CSGALNACT2: variants seen among roughly 807,000 people sequenced by gnomAD.
The protein encoded by CSGALNACT2 is chondroitin sulfate N-acetylgalactosaminyltransferase 2.
In CSGALNACT2, 35 loss-of-function variants were observed where a neutral mutation model predicts 55.3. That is an observed-to-expected ratio of 0.63 (90% CI 0.48 to 0.84). The LOEUF (loss-of-function observed/expected upper bound fraction) is 0.84. Among genes scored for constraint, CSGALNACT2 ranks in the 40% least tolerant of loss-of-function variants. CSGALNACT2 has a pLI of 0.00. For synonymous variants in CSGALNACT2, 196 were observed against 224.9 expected (o/e 0.87, Z 1.15); for missense variants, 544 against 657.5 (o/e 0.83, Z 1.89).
chr10:43,153,840 T>C (rs143835298), intron 1 of CSGALNACT2, among the ~76,000 whole-genome samples: 432 of 152,326 alleles, frequency 2.8e-3, no homozygotes, highest in African/African-American at 9.9e-3. Context: ...GTATAAATGG[T>C]TTTTGAATTT....
intron 5 of CSGALNACT2, among the ~76,000 whole-genome samples, chr10:43,164,638 A>G (rs1453629811): frequency 6.6e-6 from 1 of 152,142 alleles, no homozygotes; most frequent in Non-Finnish European, 1.5e-5. Context: ...CATGAGGTCA[A>G]GAGATTGAGA....
intron 2 of CSGALNACT2, among the ~76,000 whole-genome samples, chr10:43,156,811 C>T (rs946027118): frequency 1.3e-5 from 2 of 152,206 alleles, no homozygotes; most frequent in African/African-American, 4.8e-5. Context: ...GGCGGTAATG[C>T]TTGCCAGGCT....
At chr10:43,165,442 G>A (rs562528684) in intron 5 of CSGALNACT2, among the ~76,000 whole-genome samples, 23 of 152,034 alleles carry the variant, frequency 1.5e-4, no homozygotes, top group Admixed American at 1.5e-3. Context: ...ATTTCGTAGT[G>A]TATGAATGTA....
chr10:43,175,389 ACC>A (rs1839458781), intron 6 of CSGALNACT2, among the ~76,000 whole-genome samples: 1 of 152,104 alleles, frequency 6.6e-6, no homozygotes, highest in Admixed American at 6.6e-5. Context: ...GTTCCCAACA[ACC>A]ACCCTGGTTT....
chr10:43,145,078 T>G (rs960179786), intron 1 of CSGALNACT2, among the ~76,000 whole-genome samples: 1 of 152,156 alleles, frequency 6.6e-6, no homozygotes, highest in Non-Finnish European at 1.5e-5. Flanking sequence ...TTTCTGGTTT[T>G]GGGCTCTACA....
At chr10:43,163,089 T>C (rs1237435339) in intron 4 of CSGALNACT2, 1 of 985,288 alleles carries the variant, frequency 1.0e-6, no homozygotes, top group Non-Finnish European at 1.2e-6. Context: ...GCTTTCTACA[T>C]TCTTACCTCT....
At position 43,163,873 on chromosome 10, in the gene CSGALNACT2, A is replaced by G. The variant is rs760140491; in HGVS notation, c.988A>G (p.Asn330Asp). ...SILESVTSES[N>D]FHNYTLVSLN... is the part of the protein sequence containing the mutation. ...TGTGTGCTTTCCTCATAGTGAGTCT[A>G]ATTTTCACAATTACACCTTGGTCTC... Residue 330 changes from asparagine (N) to aspartate (D), a missense_variant, in exon 5 of 8, where the codon AAT becomes GAT. By Grantham distance (23) the Asn-to-Asp change is conservative (BLOSUM62 1). Coordinates refer to ENST00000374466, the MANE Select transcript of CSGALNACT2 (RefSeq NM_018590.5). The G allele has an allele frequency of 2.5e-6, 4 of 1,612,622 alleles. No individual in the cohort carries two copies. The highest frequency in any genetic ancestry group is 1.7e-5 in the Admixed American group (1 of 59,766).
In CSGALNACT2 at chr10:43,155,725, T is replaced by C. The variant is rs767355897; in HGVS notation, c.576T>C (p.Asn192=). The C allele has an allele frequency of 1.4e-5, 22 of 1,614,078 alleles. No homozygotes were observed. In the South Asian group the frequency reaches 2.1e-4, roughly 15 times the overall value. The change falls in exon 2 of 8, where the codon AAT becomes AAC. Residue 192 remains asparagine, a synonymous_variant. Coordinates refer to ENST00000374466, the MANE Select transcript of CSGALNACT2 (RefSeq NM_018590.5). Reference sequence around the variant, plus strand: ...TTGAAGCGGGCTTGGAGGTCATTAATAATCCTGATGAAGATGATGAACAAG... The same window carrying C: ...TTGAAGCGGGCTTGGAGGTCATTAACAATCCTGATGAAGATGATGAACAAG... The part of the protein sequence containing the change: ...EVIEAGLEVI[N]NPDEDDEQED...
chr10:43,173,148 G>T (rs113712170), intron 6 of CSGALNACT2, among the ~76,000 whole-genome samples: 7,192 of 152,276 alleles, frequency 0.047, 410 homozygotes, highest in African/African-American at 0.14. Context: ...TGTGGCTTGG[G>T]TGACAGTGTA....
Position 43,141,626 on chromosome 10 carries a change from A to T in CSGALNACT2, c.-254+3059A>T, listed in dbSNP as rs1419908830. The stretch of plus-strand genomic sequence containing the variant: ...CCTGGCTGACAGTGAAACTGTCTCA[A>T]AAAAAAAAAAAAAAAAAAAAAAAAA... On this transcript the variant is annotated intron_variant, in intron 1 of 7. Coordinates refer to ENST00000374466, the MANE Select transcript of CSGALNACT2 (RefSeq NM_018590.5). Among the ~76,000 whole-genome samples the T allele has an allele frequency of 4.2e-3, 42 of 10,056 alleles. No homozygotes were observed. The African/African-American group carries it at 0.044, about 11-fold the overall frequency. 6.6% of individuals were successfully genotyped at this position (10,056 alleles called of 152,430 possible). A position where few individuals can be genotyped will look rare whatever the true frequency, so the allele number is the denominator to read the frequency against.
chr10:43,166,880 T>G, intron 5 of CSGALNACT2, 124 bp from the exon 6 acceptor site: 1 of 560,252 alleles, frequency 1.8e-6, no homozygotes, highest in South Asian at 2.5e-5. Context: ...TTCTGTAGCC[T>G]GAATATTAAA....
chr10:43,162,751 T>TAGAGGC, intron 4 of CSGALNACT2: 1 of 940,268 alleles, frequency 1.1e-6, no homozygotes, highest in Non-Finnish European at 1.3e-6. Flanking sequence ...TGTGAAAATG[T>TAGAGGC]AGAGGCTTCT....
At chr10:43,138,765 G>T (rs1247066501) in intron 1 of CSGALNACT2, among the ~76,000 whole-genome samples, 198 bp downstream of exon 1, 4 of 152,164 alleles carry the variant, frequency 2.6e-5, no homozygotes, top group Non-Finnish European at 5.9e-5. Context: ...GGCCAGAGAC[G>T]ATTGGTTCGC....
In CSGALNACT2 at chr10:43,138,492, C is replaced by G. The variant is rs148684525; in HGVS notation, c.-329C>G. On this transcript the variant is annotated 5_prime_UTR_variant, in exon 1 of 8. Coordinates refer to ENST00000374466, the MANE Select transcript of CSGALNACT2 (RefSeq NM_018590.5). The stretch of plus-strand genomic sequence containing the variant: ...CGGGGGTGGGTGGCTGAGGCGGCGG[C>G]GGGCCCAAGGCGTGAGGCGCCGCCC... 0.044 allele frequency: 6,607 copies of G among 150,758 alleles called. 181 individuals are homozygous for G. Among genetic ancestry groups the G allele is most frequent in the South Asian group, 0.089 (431 of 4,830 alleles). 9.3% of individuals were successfully genotyped at this position (150,758 alleles called of 1,614,324 possible).
At position 43,184,888 on chromosome 10, in the gene CSGALNACT2, A is replaced by G. The variant is rs1198077262; in HGVS notation, c.*1346A>G. 6.6e-6 allele frequency: 1 copy of G among 152,210 alleles called. No homozygotes were observed. Among genetic ancestry groups the G allele is most frequent in the Non-Finnish European group, 1.5e-5 (1 of 68,032 alleles). 9.4% of individuals were successfully genotyped at this position (152,210 alleles called of 1,614,324 possible). On this transcript the variant is annotated 3_prime_UTR_variant, in exon 8 of 8. Transcript: ENST00000374466. ...TCATTACTCTTTTTCTCAGTAAATC[A>G]TATCATCTGAAATATTACAAATTTC... is the stretch of plus-strand genomic sequence containing the variant.
Position 43,175,809 on chromosome 10 carries a change from A to G in CSGALNACT2, c.1255-142A>G, listed in dbSNP as rs1285221892. ...TTATTTGTTTTGTAAGGATTTAATA[A>G]CATAAGTGCATGTGATCCTTAATCA... On this transcript the variant is annotated intron_variant, in intron 6 of 7. Transcript: ENST00000374466. The G allele has an allele frequency of 2.1e-5, 15 of 714,166 alleles. No individual in the cohort carries two copies. In the Admixed American group the frequency reaches 4.1e-4, roughly 20 times the overall value. 44.2% of individuals were successfully genotyped at this position (714,166 alleles called of 1,614,324 possible). A position where few individuals can be genotyped will look rare whatever the true frequency, so the allele number is the denominator to read the frequency against.
chr10:43,148,132 C>T (rs1838801078), intron 1 of CSGALNACT2, among the ~76,000 whole-genome samples: 1 of 152,108 alleles, frequency 6.6e-6, no homozygotes, highest in Non-Finnish European at 1.5e-5. Context: ...TGTCCCAGTA[C>T]TATTTATTGA....
chr10:43,178,435 A>T (rs1013848073), intron 7 of CSGALNACT2, among the ~76,000 whole-genome samples: 1 of 152,108 alleles, frequency 6.6e-6, no homozygotes, highest in African/African-American at 2.4e-5. Context: ...ATCCTGGCTA[A>T]CAAGGTAAAA....
intron 5 of CSGALNACT2, among the ~76,000 whole-genome samples, chr10:43,166,435 G>A (rs2133134439): frequency 6.6e-6 from 1 of 152,306 alleles, no homozygotes. Context: ...GGTCCTTTTA[G>A]ATCAGTCAGT....
Sources: gnomAD v4.1 joint callset for allele counts (sites outside exome capture counted in the v4.1 genomes callset) on GRCh38, gnomAD v4.1.1 for gene constraint, MANE v1.5 for transcripts, NCBI Gene and HGNC (gene_info 2026-07-23, HGNC 2026-07-21) for gene names.